The following NINJ2 variants were observed in gnomAD, a reference collection of about 807,000 sequenced individuals.
The protein encoded by NINJ2 is ninjurin-2.
In NINJ2, 12 loss-of-function variants were observed where a neutral mutation model predicts 11.7. The observed-to-expected ratio is 1.02, with a 90% confidence interval of 0.66 to 1.66. The LOEUF (loss-of-function observed/expected upper bound fraction) is 1.66, where lower values mean the gene tolerates loss of function less well. NINJ2 is among the 40% of genes most tolerant of loss of function. The pLI, the probability that NINJ2 is intolerant of heterozygous loss-of-function variation, is 0.00. For synonymous variants in NINJ2, 93 were observed against 76.8 expected (o/e 1.21, Z -1.10); for missense variants, 187 against 181.8 (o/e 1.03, Z -0.16).
intron 1 of NINJ2, among the ~76,000 whole-genome samples, chr12:619,329 G>A (rs1027135892): frequency 3.9e-5 from 6 of 152,196 alleles, no homozygotes; most frequent in African/African-American, 1.4e-4. Flanking sequence ...AAAGGCAGAA[G>A]CTATGTTAAT....
intron 1 of NINJ2, among the ~76,000 whole-genome samples, chr12:606,357 T>G (rs1947942441): frequency 6.6e-6 from 1 of 151,740 alleles, no homozygotes; most frequent in Non-Finnish European, 1.5e-5. Flanking sequence ...AAGACAAAAC[T>G]AAAGGATCAC....
intron 1 of NINJ2, among the ~76,000 whole-genome samples, chr12:571,684 A>G (rs767193549): frequency 3.9e-5 from 6 of 152,126 alleles, no homozygotes; most frequent in Non-Finnish European, 8.8e-5. Context: ...GTTGGCCTAT[A>G]TTTTTGTTTA....
chr12:601,591 C>T (rs1975816), intron 1 of NINJ2, among the ~76,000 whole-genome samples: 2,674 of 151,942 alleles, frequency 0.018, 83 homozygotes, highest in African/African-American at 0.06. Flanking sequence ...TAGCCAGGTG[C>T]GGTGGCTCAC....
intron 1 of NINJ2, among the ~76,000 whole-genome samples, chr12:579,810 T>C (rs897424602): frequency 6.6e-6 from 1 of 152,226 alleles, no homozygotes; most frequent in African/African-American, 2.4e-5. Context: ...GGAAAAAGCA[T>C]AGGTCACAGA....
chr12:653,758 C>A (rs1937831177), intron 1 of NINJ2, among the ~76,000 whole-genome samples: 1 of 151,780 alleles, frequency 6.6e-6, no homozygotes, highest in South Asian at 2.1e-4. Flanking sequence ...AAAACAGTAA[C>A]AAATGTGGTA....
At chr12:650,124 C>G (rs6489701) in intron 1 of NINJ2, among the ~76,000 whole-genome samples, 146,375 of 151,024 alleles carry the variant, frequency 0.97, 71,096 homozygotes, top group East Asian at 1. Flanking sequence ...TCACTTTGTT[C>G]CCCAGGCTGG....
intron 1 of NINJ2, among the ~76,000 whole-genome samples, chr12:659,946 C>CA: frequency 6.6e-6 from 1 of 151,978 alleles, no homozygotes; most frequent in Non-Finnish European, 1.5e-5. Flanking sequence ...ATAAAGGTGT[C>CA]AAAAAACTTC....
At chr12:589,875 TG>T (rs2120869043) in intron 1 of NINJ2, among the ~76,000 whole-genome samples, 1 of 151,792 alleles carries the variant, frequency 6.6e-6, no homozygotes, top group African/African-American at 2.4e-5. Context: ...TTTTCCTCCG[TG>T]GGGTGAGGCA....
intron 1 of NINJ2, among the ~76,000 whole-genome samples, chr12:613,676 C>T (rs1372083693): frequency 6.6e-6 from 1 of 152,044 alleles, no homozygotes; most frequent in Admixed American, 6.6e-5. Context: ...GAGGCTGAGG[C>T]GGGCAGATCA....
At position 600,212 on chromosome 12, in the gene NINJ2, G is replaced by T. The variant is rs963328339; in HGVS notation, c.34-34034C>A. Among the ~76,000 whole-genome samples the T allele has an allele frequency of 2.6e-5, 4 of 152,134 alleles. No individual in the cohort carries two copies. The South Asian group carries it at 6.2e-4, about 24-fold the overall frequency. On this transcript the variant is annotated intron_variant, in intron 1 of 3. Transcript: ENST00000305108. ...CAATGAAGGTGGTCAAGGCTATGAGGGGAAAAGGTGGTCAAGATAACGAGG... is the reference window on the plus strand; with the variant it reads ...CAATGAAGGTGGTCAAGGCTATGAGTGGAAAAGGTGGTCAAGATAACGAGG...
At chr12:650,591 C>G (rs35557779) in intron 1 of NINJ2, among the ~76,000 whole-genome samples, 37,916 of 151,868 alleles carry the variant, frequency 0.25, 4,901 homozygotes, top group Non-Finnish European at 0.28. Context: ...CCCAGCTAAT[C>G]AGGAGGCTGA....
At chr12:587,390 G>A (rs933161918) in intron 1 of NINJ2, among the ~76,000 whole-genome samples, 2 of 152,238 alleles carry the variant, frequency 1.3e-5, no homozygotes, top group Admixed American at 6.5e-5. Flanking sequence ...TGCCCCAAAG[G>A]TGTCCACTTT....
At chr12:636,839 G>T (rs952478640) in intron 1 of NINJ2, among the ~76,000 whole-genome samples, 1 of 152,170 alleles carries the variant, frequency 6.6e-6, no homozygotes, top group Non-Finnish European at 1.5e-5. Flanking sequence ...CAGCTTGGCA[G>T]TTCCTCAAAA....
chr12:602,725 A>C (rs2607920), intron 1 of NINJ2, among the ~76,000 whole-genome samples: 7 of 152,302 alleles, frequency 4.6e-5, no homozygotes, highest in Non-Finnish European at 8.8e-5. Flanking sequence ...CAGCCAGTAA[A>C]GTAGGAGATT....
intron 1 of NINJ2, among the ~76,000 whole-genome samples, chr12:627,765 T>G (rs561196065): frequency 5.3e-4 from 80 of 152,294 alleles, no homozygotes; most frequent in African/African-American, 1.8e-3. Flanking sequence ...AAATCTCAAC[T>G]GGAGCTGGGC....
At position 580,002 on chromosome 12, in the gene NINJ2, G is replaced by T. The variant is rs924128607; in HGVS notation, c.34-13824C>A. 6.6e-6 allele frequency among the ~76,000 whole-genome samples: 1 copy of T among 152,184 alleles called. No individual in the cohort carries two copies. Among genetic ancestry groups the T allele is most frequent in the African/African-American group, 2.4e-5 (1 of 41,446 alleles). On this transcript the variant is annotated intron_variant, in intron 1 of 3. Coordinates refer to ENST00000305108, the MANE Select transcript of NINJ2 (RefSeq NM_016533.6). This position sits in a 1 kb window ranked among gnomAD's most constrained non-coding sequence, Gnocchi z 4.7. ...GGCTGGGAAGACAGGAGCTGCTGGG[G>T]CCTCTGGCTGCTGGTTCAAAAGACG...
In NINJ2 at chr12:633,059, C is replaced by G. The variant is rs991013008; in HGVS notation, c.33+30269G>C. On this transcript the variant is annotated intron_variant, in intron 1 of 3. Coordinates refer to ENST00000305108, the MANE Select transcript of NINJ2 (RefSeq NM_016533.6). This position sits in a 1 kb window ranked among gnomAD's most constrained non-coding sequence, Gnocchi z 4.3. ...ATCAGAAAGGTCGTGAAATATACCT[C>G]AGCCTGGCATTGGGCTTGGGGCAAA... Among the ~76,000 whole-genome samples the G allele has an allele frequency of 1.3e-5, 2 of 152,146 alleles. No individual in the cohort carries two copies. The highest frequency in any genetic ancestry group is 2.9e-5 in the Non-Finnish European group (2 of 68,022).
intron 1 of NINJ2, among the ~76,000 whole-genome samples, chr12:571,040 TCTTC>T (rs1330009570): frequency 2.0e-5 from 3 of 152,170 alleles, no homozygotes; most frequent in Non-Finnish European, 4.4e-5. Flanking sequence ...GCTCTCGGTA[TCTTC>T]CTCAGGTCTC....
At chr12:658,328 C>T (rs936471090) in intron 1 of NINJ2, among the ~76,000 whole-genome samples, 5 of 151,932 alleles carry the variant, frequency 3.3e-5, no homozygotes, top group Non-Finnish European at 7.4e-5. Flanking sequence ...CAGAATGATA[C>T]GTAATGCCAA....
Sources: allele counts gnomAD v4.1 joint callset (sites outside exome capture counted in the v4.1 genomes callset), GRCh38; gene constraint gnomAD v4.1.1; non-coding constraint Gnocchi (gnomAD v3.1); transcripts MANE v1.5; gene names NCBI Gene and HGNC (gene_info 2026-07-23, HGNC 2026-07-21).